The following PAGE2B variants were observed in gnomAD, a reference collection of about 807,000 sequenced individuals.
PAGE2B encodes the protein PAGE family member 2B.
A neutral mutation model predicts 7.6 loss-of-function variants in PAGE2B; 5 were observed. The observed-to-expected ratio is 0.66, with a 90% CI of 0.34 to 1.38. PAGE2B has a LOEUF of 1.38. Among genes scored for constraint, PAGE2B ranks in the 40% most tolerant of loss-of-function variants. The pLI, the probability that PAGE2B is intolerant of heterozygous loss-of-function variation, is 0.04. For missense variants in PAGE2B, 70 were observed against 78.4 expected, an observed-to-expected ratio of 0.89 and a Z score of 0.41; for synonymous variants, 29 against 26.7, an observed-to-expected ratio of 1.09 and a Z score of -0.27.
the PAGE2B span, among the ~76,000 whole-genome samples, chrX:55,062,552 C>T: frequency 2.4e-4 from 27 of 111,209 alleles, no homozygotes; most frequent in Non-Finnish European, 3.8e-4. Flanking sequence ...TGTGGGTTGC[C>T]GCTTCACTTT....
chrX:55,055,845 G>A, the PAGE2B span: 1 of 110,763 alleles, frequency 9.0e-6, no homozygotes, highest in African/African-American at 3.3e-5. Flanking sequence ...CTTTCTAACT[G>A]TCTTTGTATT....
the PAGE2B span, chrX:55,055,007 A>G: frequency 9.0e-6 from 1 of 111,548 alleles, no homozygotes; most frequent in African/African-American, 3.3e-5. Flanking sequence ...AATAATGTAC[A>G]TAAAAACTGG....
At chrX:55,074,996 G>C (rs1294531577), upstream of PAGE2B, 1 of 114,178 alleles carries the variant, frequency 8.8e-6, no homozygotes, top group Non-Finnish European at 1.8e-5. Context: ...GTTGCTACAC[G>C]TGTCTGTTGT....
At chrX:55,035,908 G>C in the PAGE2B span, among the ~76,000 whole-genome samples, 2 of 111,658 alleles carry the variant, frequency 1.8e-5, no homozygotes, top group Non-Finnish European at 3.8e-5. Context: ...CCATTTTCAC[G>C]ATATTGATTC....
chrX:55,065,011 A>T, the PAGE2B span, among the ~76,000 whole-genome samples: 1 of 111,840 alleles, frequency 8.9e-6, no homozygotes, highest in East Asian at 2.8e-4. Context: ...AGGAAAAAAA[A>T]TGTGTATTCT....
At chrX:55,050,753 T>C in the PAGE2B span, among the ~76,000 whole-genome samples, 32 of 111,928 alleles carry the variant, frequency 2.9e-4, no homozygotes, top group Non-Finnish European at 5.1e-4. Flanking sequence ...AGGTCTTGGC[T>C]CTTTATCCAG....
the PAGE2B span, among the ~76,000 whole-genome samples, chrX:55,047,299 G>A: frequency 8.9e-6 from 1 of 111,909 alleles, no homozygotes; most frequent in Non-Finnish European, 1.9e-5. Flanking sequence ...TAGTGCATAT[G>A]TGCCACATTT....
the PAGE2B span, among the ~76,000 whole-genome samples, chrX:55,031,292 G>T: frequency 9.0e-6 from 1 of 111,403 alleles, no homozygotes; most frequent in Non-Finnish European, 1.9e-5. Flanking sequence ...TAAAAGGAGG[G>T]CAATAAAACC....
chrX:55,043,743 G>A, the PAGE2B span, among the ~76,000 whole-genome samples: 100 of 110,585 alleles, frequency 9.0e-4, no homozygotes, highest in South Asian at 0.038. Flanking sequence ...TGAGGTGGGC[G>A]GATCACCTGA....
At chrX:55,050,873 C>T in the PAGE2B span, among the ~76,000 whole-genome samples, 38 of 111,609 alleles carry the variant, frequency 3.4e-4, no homozygotes, top group Non-Finnish European at 1.7e-4. Flanking sequence ...GGTTATTTTG[C>T]TCATTAGTTG....
chrX:55,068,624 T>C, the PAGE2B span, among the ~76,000 whole-genome samples: 469 of 112,054 alleles, frequency 4.2e-3, 4 homozygotes, highest in African/African-American at 0.015. Context: ...TAAATTACTT[T>C]GGGCAGTATG....
the PAGE2B span, chrX:55,031,154 T>C: frequency 8.1e-6 from 2 of 247,952 alleles, no homozygotes; most frequent in Admixed American, 1.0e-4. Context: ...CAGCTCTGGC[T>C]CTTCCCTATT....
chrX:55,051,084 A>G, the PAGE2B span, among the ~76,000 whole-genome samples: 1 of 111,318 alleles, frequency 9.0e-6, no homozygotes, highest in Non-Finnish European at 1.9e-5. Context: ...GTTTGGCTGG[A>G]TATGAAATTC....
At chrX:55,058,273 C>T in the PAGE2B span, among the ~76,000 whole-genome samples, 1 of 110,455 alleles carries the variant, frequency 9.1e-6, no homozygotes, top group Non-Finnish European at 1.9e-5. Flanking sequence ...GTACTCTCTT[C>T]TACAACTGGA....
At chrX:55,032,088 T>C in the PAGE2B span, among the ~76,000 whole-genome samples, 5 of 111,755 alleles carry the variant, frequency 4.5e-5, no homozygotes, top group Non-Finnish European at 7.5e-5. Context: ...TCCATTATGA[T>C]TAATGTTGCA....
the PAGE2B span, among the ~76,000 whole-genome samples, chrX:55,030,326 A>C: frequency 9.0e-6 from 1 of 111,405 alleles, no homozygotes; most frequent in Admixed American, 9.6e-5. Context: ...TATTTCTGCT[A>C]ATTATTCATC....
the PAGE2B span, among the ~76,000 whole-genome samples, chrX:55,056,479 C>T: frequency 9.0e-6 from 1 of 111,076 alleles, no homozygotes; most frequent in African/African-American, 3.3e-5. Context: ...ATCTGAGGGA[C>T]AAATATAGGG....
At chrX:55,052,859 G>A in the PAGE2B span, among the ~76,000 whole-genome samples, 3 of 112,856 alleles carry the variant, frequency 2.7e-5, no homozygotes, top group Non-Finnish European at 5.6e-5. Context: ...AGTTGGAAAT[G>A]CAGAAATCAC....
chrX:55,071,331 A>G (rs1274001846), upstream of PAGE2B, among the ~76,000 whole-genome samples: 1 of 111,110 alleles, frequency 9.0e-6, no homozygotes, highest in Non-Finnish European at 1.9e-5. Flanking sequence ...TGGGTATGAA[A>G]TTCTGGCTTG....
Sources: gnomAD v4.1 joint callset for allele counts (sites outside exome capture counted in the v4.1 genomes callset) on GRCh38, gnomAD v4.1.1 for gene constraint, MANE v1.5 for transcripts, NCBI Gene and HGNC (gene_info 2026-07-23, HGNC 2026-07-21) for gene names.